Variants in ECE1 observed in about 807,000 individuals in gnomAD.
The protein encoded by ECE1 is endothelin-converting enzyme 1.
In ECE1, 35 loss-of-function variants were observed where a neutral mutation model predicts 98.6. That is an observed-to-expected ratio of 0.35 (90% CI 0.27 to 0.47). The LOEUF is 0.47. Among genes scored for constraint, ECE1 ranks in the 20% least tolerant of loss-of-function variants. ECE1 has a pLI of 1.00. For missense variants in ECE1, 814 were observed against 1,025.3 expected (o/e 0.79, Z 2.81); for synonymous variants, 394 against 407.1 (o/e 0.97, Z 0.39).
At position 21,219,989 on chromosome 1, in the gene ECE1, G is replaced by A. The variant is rs778929118; in HGVS notation, c.2279C>T (p.Pro760Leu). ...SEHFRCPPGSPMNPPHKCEVW is the reference protein window; with the variant it reads ...SEHFRCPPGSLMNPPHKCEVW The stretch of plus-strand genomic sequence containing the variant: ...TTCGCACTTGTGAGGCGGGTTCATG[G>A]GTGAGCCAGGTGGGCAGCGGAAGTG... The change falls in exon 19 of 19, where the codon CCC (proline) becomes CTC (leucine). Residue 760 changes from proline to leucine, a missense_variant. Transcript: ENST00000374893. This position sits in a 1 kb window ranked among gnomAD's most constrained non-coding sequence, Gnocchi z 4.5. 2 of 1,614,230 alleles carry A rather than the reference G, an allele frequency of 1.2e-6. No individual in the cohort carries two copies. Among genetic ancestry groups the A allele is most frequent in the African/African-American group, 1.3e-5 (1 of 75,064 alleles).
rs1403077072 is a variant in ECE1 at position 21,260,682 on chromosome 1, G to A, written c.494-290C>T. The stretch of plus-strand genomic sequence containing the variant: ...TCACAGACGTGTCCCCGGGTTGACC[G>A]CACGTGCCCACCAGCAGGACAGTGT... On this transcript the variant is annotated intron_variant, in intron 4 of 18. Coordinates refer to ENST00000374893, the MANE Select transcript of ECE1 (RefSeq NM_001397.3). The surrounding 1 kb of genome is among the most constrained non-coding windows in gnomAD (Gnocchi z 4.3). 2.6e-5 allele frequency among the ~76,000 whole-genome samples: 4 copies of A among 152,166 alleles called. No homozygotes were observed. The highest frequency in any genetic ancestry group is 4.8e-5 in the African/African-American group (2 of 41,440).
chr1:21,282,426 A>G (rs2098255699), intron 2 of ECE1, among the ~76,000 whole-genome samples: 1 of 150,170 alleles, frequency 6.7e-6, no homozygotes, highest in Non-Finnish European at 1.5e-5. Context: ...TGTCTCTACT[A>G]AAAATATAAA....
At chr1:21,238,841 C>A (rs532199430) in intron 10 of ECE1, among the ~76,000 whole-genome samples, 12 of 152,002 alleles carry the variant, frequency 7.9e-5, no homozygotes, top group African/African-American at 2.9e-4. Flanking sequence ...TTGGCAGGGT[C>A]TCGCTCTGTC....
intron 17 of ECE1, among the ~76,000 whole-genome samples, chr1:21,223,168 G>T (rs1157989156): frequency 6.6e-6 from 1 of 152,028 alleles, no homozygotes. Context: ...GTAGAGACGG[G>T]GTTTCACCAC....
upstream of ECE1, among the ~76,000 whole-genome samples, chr1:21,292,307 C>CT (rs1169012663): frequency 2.0e-5 from 3 of 152,182 alleles, no homozygotes; most frequent in Middle Eastern, 3.4e-3. Flanking sequence ...CGCCCCCTCC[C>CT]CCACCAACCT....
chr1:21,329,816 G>A (rs186338194), intron 1 of ECE1, among the ~76,000 whole-genome samples: 105 of 152,272 alleles, frequency 6.9e-4, no homozygotes, highest in African/African-American at 2.4e-3. Flanking sequence ...TTTGCAGAAG[G>A]GGGAGAGAGT....
chr1:21,272,606 C>T, intron 4 of ECE1, 93 bp downstream of exon 4: 1 of 1,494,736 alleles, frequency 6.7e-7, no homozygotes, highest in Non-Finnish European at 9.2e-7. Context: ...CTGCCAAGCT[C>T]CTCCTTTAAG....
chr1:21,266,302 C>T (rs561442145), intron 4 of ECE1, among the ~76,000 whole-genome samples: 64 of 152,078 alleles, frequency 4.2e-4, no homozygotes, highest in Non-Finnish European at 7.2e-4. Context: ...GACCATCTGG[C>T]CAGGAGCCTG....
At position 21,272,699 on chromosome 1, in the gene ECE1, C is replaced by T. The variant is rs2098241647; in HGVS notation, c.493G>A (p.Glu165Lys). 1.9e-6 allele frequency: 3 copies of T among 1,614,210 alleles called. No homozygotes were observed. Among genetic ancestry groups the T allele is most frequent in the Non-Finnish European group, 1.7e-6 (2 of 1,180,042 alleles). ...HNQAIIKHLL[E>K]NSTASVSEAE... ...ATTGGTCTCCATGCTGGATGCTTAC[C>T]GAGGAGGTGCTTGATGATTGCTTGG... is the stretch of plus-strand genomic sequence containing the variant. The change falls in exon 4 of 19, where the codon GAA becomes AAA. Residue 165 changes from glutamate to lysine, a missense_variant and splice_region_variant. Transcript: ENST00000374893.
rs1409238402 is a variant in ECE1, at chr1:21,238,286, T to C, written c.1279-42A>G. ...AGGGGGCTCGCTGGGCCCCAGCCCT[T>C]TGTTTCCCAACCCCTTTCTTGCTGG... On this transcript the variant is annotated intron_variant, in intron 10 of 18. Transcript: ENST00000374893. The C allele has an allele frequency of 2.0e-6, 3 of 1,527,756 alleles. No homozygotes were observed. The Admixed American group carries it at 5.3e-5, about 27-fold the overall frequency. 94.6% of individuals were successfully genotyped at this position (1,527,756 alleles called of 1,614,324 possible).
chr1:21,334,148 T>A (rs1639261770), intron 1 of ECE1, among the ~76,000 whole-genome samples: 1 of 152,134 alleles, frequency 6.6e-6, no homozygotes, highest in Non-Finnish European at 1.5e-5. Context: ...GAGTCTAGAA[T>A]CAGGGTCTAA....
chr1:21,267,797 G>A lies in ECE1; in HGVS notation c.493+4902C>T, dbSNP rs967392294. On this transcript the variant is annotated intron_variant, in intron 4 of 18. Coordinates refer to ENST00000374893, the MANE Select transcript of ECE1 (RefSeq NM_001397.3). Reference sequence around the variant, plus strand: ...CATAGATGGCTTCCTTCCAATATGCGCAGGAAGATGAAACTCAATTAGACA... The same window carrying A: ...CATAGATGGCTTCCTTCCAATATGCACAGGAAGATGAAACTCAATTAGACA... Among the ~76,000 whole-genome samples, 11 of 152,246 alleles carry A rather than the reference G, an allele frequency of 7.2e-5. No individual in the cohort carries two copies. The South Asian group carries it at 1.2e-3, about 17-fold the overall frequency.
In ECE1 at chr1:21,334,071, C is replaced by A. The variant is rs150981287; in HGVS notation, c.3+11305G>T. On this transcript the variant is annotated intron_variant, in intron 1 of 18. Coordinates refer to the ECE1 transcript ENST00000415912. The stretch of plus-strand genomic sequence containing the variant: ...GGACTAAGTGACAGAGCTGGGACTA[C>A]AACCCACATCTGTCTGGCTCCAAAA... 5.3e-5 allele frequency among the ~76,000 whole-genome samples: 8 copies of A among 152,358 alleles called. No individual in the cohort carries two copies. The East Asian group carries it at 1.5e-3, about 29-fold the overall frequency.
At chr1:21,332,969 T>C (rs1639233538) in intron 1 of ECE1, among the ~76,000 whole-genome samples, 1 of 152,098 alleles carries the variant, frequency 6.6e-6, no homozygotes, top group Non-Finnish European at 1.5e-5. Context: ...GCACCAGATA[T>C]GCACCATGCA....
chr1:21,287,829 T>C (rs939081923), intron 2 of ECE1, among the ~76,000 whole-genome samples: 2 of 152,180 alleles, frequency 1.3e-5, no homozygotes, highest in African/African-American at 4.8e-5. Context: ...TAAAAATACA[T>C]ACATACAAGT....
chr1:21,298,433 T>C (rs1354937447), intron 1 of ECE1: 1 of 305,142 alleles, frequency 3.3e-6, no homozygotes, highest in African/African-American at 2.2e-5. Flanking sequence ...GACCAAGTCA[T>C]TTCACTTCAA....
chr1:21,344,572 G>GCCC (rs528381259), intron 1 of ECE1, among the ~76,000 whole-genome samples: 1 of 151,146 alleles, frequency 6.6e-6, no homozygotes, highest in African/African-American at 2.4e-5. Flanking sequence ...CCTCCCAACA[G>GCCC]CCCCCCCCCA....
At chr1:21,310,316 C>T (rs1185991862) in intron 1 of ECE1, among the ~76,000 whole-genome samples, 1 of 152,162 alleles carries the variant, frequency 6.6e-6, no homozygotes. Flanking sequence ...CCAGGCTTAC[C>T]TTGTGGTAGC....
At chr1:21,343,574 C>T (rs961391611) in intron 1 of ECE1, among the ~76,000 whole-genome samples, 1 of 152,240 alleles carries the variant, frequency 6.6e-6, no homozygotes, top group Non-Finnish European at 1.5e-5. Context: ...AGCACTCTCA[C>T]TTGGGTTATC....
Sources: gnomAD v4.1 joint callset for allele counts (sites outside exome capture counted in the v4.1 genomes callset) on GRCh38, gnomAD v4.1.1 for gene constraint, Gnocchi (gnomAD v3.1) non-coding constraint, MANE v1.5 for transcripts, NCBI Gene and HGNC (gene_info 2026-07-23, HGNC 2026-07-21) for gene names.